The following HRH1 variants were observed in gnomAD, a reference collection of about 807,000 sequenced individuals.
HRH1 encodes histamine H1 receptor.
Under a neutral mutation model 10.3 loss-of-function variants are expected in HRH1, and 6 were observed. The ratio of observed to expected loss-of-function variants is 0.58; its 90% CI spans 0.32 to 1.15. The LOEUF (loss-of-function observed/expected upper bound fraction) is 1.15. Among genes scored for constraint, HRH1 ranks in the 50% most tolerant of loss-of-function variants. The probability of loss-of-function intolerance (pLI) is 0.05; values close to 1 mark genes in which losing one functional copy is unlikely to be tolerated. For synonymous variants in HRH1, 242 were observed against 236.7 expected (o/e 1.02, Z -0.21); for missense variants, 514 against 615.3 (o/e 0.84, Z 1.74).
chr3:11,152,058 C>T (rs1187373839), upstream of HRH1, among the ~76,000 whole-genome samples: 2 of 152,190 alleles, frequency 1.3e-5, no homozygotes, highest in African/African-American at 4.8e-5. Context: ...GGCTCCAGAT[C>T]TGGCTCAGCT....
chr3:11,170,712 C>T (rs182424507), intron 1 of HRH1, among the ~76,000 whole-genome samples: 8 of 152,360 alleles, frequency 5.3e-5, no homozygotes, highest in South Asian at 2.1e-4. Context: ...GCAGGGAGCA[C>T]TTATCTCAGC....
At position 11,160,181 on chromosome 3, in the gene HRH1, T is replaced by A. The variant is rs57938251; in HGVS notation, c.-36+5627T>A. Among the ~76,000 whole-genome samples the A allele has an allele frequency of 6.3e-3, 955 of 152,326 alleles. 9 individuals are homozygous for A. Among genetic ancestry groups the A allele is most frequent in the African/African-American group, 0.021 (877 of 41,564 alleles). On this transcript the variant is annotated intron_variant, in intron 1 of 1. Transcript: ENST00000431010. ...GCCAGTTTTTAGGCCAGGCTCTCCTTCTCTGTCATGTTATCAGTTTTTGTG... is the reference window on the plus strand; with the variant it reads ...GCCAGTTTTTAGGCCAGGCTCTCCTACTCTGTCATGTTATCAGTTTTTGTG...
At chr3:11,192,264 GCCT>G (rs1937552428) in intron 1 of HRH1, among the ~76,000 whole-genome samples, 1 of 152,208 alleles carries the variant, frequency 6.6e-6, no homozygotes, top group Non-Finnish European at 1.5e-5. Context: ...GCACCTTGAA[GCCT>G]CCTCATGCCC....
chr3:11,217,694 T>C (rs1007651423), intron 1 of HRH1, among the ~76,000 whole-genome samples: 1 of 152,220 alleles, frequency 6.6e-6, no homozygotes, highest in Non-Finnish European at 1.5e-5. Flanking sequence ...ATCTGTACAC[T>C]TTAAAATGGT....
intron 1 of HRH1, among the ~76,000 whole-genome samples, chr3:11,138,698 A>T (rs953397790): frequency 3.5e-5 from 5 of 141,572 alleles, no homozygotes; most frequent in Admixed American, 7.8e-5. Flanking sequence ...GAATGTTCAT[A>T]GCTGAATTTT....
chr3:11,194,995 A>G (rs967772003), intron 1 of HRH1, among the ~76,000 whole-genome samples: 4 of 152,106 alleles, frequency 2.6e-5, no homozygotes, highest in Non-Finnish European at 4.4e-5. Context: ...GTGCTTACCA[A>G]TGTTTCTATG....
intron 1 of HRH1, among the ~76,000 whole-genome samples, chr3:11,158,051 G>A (rs1452436826): frequency 6.6e-6 from 1 of 152,226 alleles, no homozygotes; most frequent in Non-Finnish European, 1.5e-5. Context: ...CTACGGAATG[G>A]ATGAATATGT....
chr3:11,257,824 T>A (rs1384866531), intron 1 of HRH1, among the ~76,000 whole-genome samples: 1 of 152,082 alleles, frequency 6.6e-6, no homozygotes, highest in Non-Finnish European at 1.5e-5. Flanking sequence ...TTTTAAAAAA[T>A]TTCATTGTAA....
intron 1 of HRH1, among the ~76,000 whole-genome samples, chr3:11,212,157 T>C (rs1034961097): frequency 6.6e-6 from 1 of 152,122 alleles, no homozygotes; most frequent in African/African-American, 2.4e-5. Flanking sequence ...CCTCATAGAA[T>C]TGCGACAGGA....
At chr3:11,216,775 G>C (rs1403899685) in intron 1 of HRH1, among the ~76,000 whole-genome samples, 1 of 152,200 alleles carries the variant, frequency 6.6e-6, no homozygotes, top group Admixed American at 6.5e-5. Flanking sequence ...AGCTACTTGG[G>C]AGGCTGAGGC....
At chr3:11,229,379 A>G (rs935775338) in intron 1 of HRH1, among the ~76,000 whole-genome samples, 19 of 152,214 alleles carry the variant, frequency 1.2e-4, no homozygotes, top group African/African-American at 4.6e-4. Context: ...TATGGAGGAA[A>G]TGTCATACCA....
In HRH1 at chr3:11,214,874, TG is replaced by T. The variant is rs1938439406; in HGVS notation, c.-35-44126del. 2.0e-5 allele frequency among the ~76,000 whole-genome samples: 3 copies of T among 152,334 alleles called. No individual in the cohort carries two copies. The South Asian group carries it at 6.2e-4, about 32-fold the overall frequency. ...GATTTAGCAGGATAAAATCTGGTGA[TG>T]GGTTCATGATATCAGCCATGGGTTT... On this transcript the variant is annotated intron_variant, in intron 1 of 1. Coordinates refer to ENST00000431010, the MANE Select transcript of HRH1 (RefSeq NM_001098212.2).
intron 1 of HRH1, among the ~76,000 whole-genome samples, chr3:11,196,435 T>A (rs765514199): frequency 1.3e-5 from 2 of 152,294 alleles, no homozygotes; most frequent in Non-Finnish European, 2.9e-5. Flanking sequence ...GAGACAGCTT[T>A]GCTCTTGTAG....
In HRH1 at chr3:11,154,734, C is replaced by T. The variant is rs2125005016; in HGVS notation, c.-36+180C>T. On this transcript the variant is annotated intron_variant, in intron 1 of 1. Coordinates refer to ENST00000431010, the MANE Select transcript of HRH1 (RefSeq NM_001098212.2). The surrounding 1 kb of genome is among the most constrained non-coding windows in gnomAD (Gnocchi z 4.4). ...GACGCGGGTGGCCTGGGGAGGGTGG[C>T]GGAGGGCGGCTCGCTCGGTGGCACC... Among the ~76,000 whole-genome samples, 1 of 152,142 alleles carries T rather than the reference C, an allele frequency of 6.6e-6. No homozygotes were observed. Among genetic ancestry groups the T allele is most frequent in the Admixed American group, 6.5e-5 (1 of 15,304 alleles).
At chr3:11,167,189 G>C (rs1470378939) in intron 1 of HRH1, among the ~76,000 whole-genome samples, 3 of 143,244 alleles carry the variant, frequency 2.1e-5, no homozygotes, top group Admixed American at 6.9e-5. Flanking sequence ...GGCCTCTCCA[G>C]GCCCGTGACA....
At chr3:11,249,252 A>T (rs2152585039) in intron 1 of HRH1, among the ~76,000 whole-genome samples, 1 of 152,100 alleles carries the variant, frequency 6.6e-6, no homozygotes, top group African/African-American at 2.4e-5. Context: ...AAATAAAAAA[A>T]ATTAGCTGGG....
chr3:11,225,264 CT>C (rs1204757441), intron 1 of HRH1, among the ~76,000 whole-genome samples: 1 of 152,194 alleles, frequency 6.6e-6, no homozygotes, highest in African/African-American at 2.4e-5. Flanking sequence ...CCTTCATTTC[CT>C]TTTCTTGCCT....
chr3:11,157,615 G>T (rs1003425541), intron 1 of HRH1, among the ~76,000 whole-genome samples: 2 of 152,228 alleles, frequency 1.3e-5, no homozygotes, highest in Admixed American at 1.3e-4. Context: ...CTGTCGGAGG[G>T]GGGGCCAGGA....
At chr3:11,226,953 A>AT (rs1209805853) in intron 1 of HRH1, among the ~76,000 whole-genome samples, 2 of 151,930 alleles carry the variant, frequency 1.3e-5, no homozygotes, top group African/African-American at 4.8e-5. Flanking sequence ...TGTATCACAC[A>AT]TGTGGGGCCA....
Sources: gnomAD v4.1 joint callset for allele counts (sites outside exome capture counted in the v4.1 genomes callset) on GRCh38, gnomAD v4.1.1 for gene constraint, Gnocchi (gnomAD v3.1) non-coding constraint, MANE v1.5 for transcripts, NCBI Gene and HGNC (gene_info 2026-07-23, HGNC 2026-07-21) for gene names.